STK33: variants seen among roughly 807,000 people sequenced by gnomAD.
The protein encoded by STK33 is serine/threonine-protein kinase 33.
STK33 carries 52 observed loss-of-function variants against 58.0 expected under a neutral mutation model. The ratio of observed to expected loss-of-function variants is 0.90; its 90% CI spans 0.72 to 1.13. The LOEUF (loss-of-function observed/expected upper bound fraction) is 1.13. Ranked by LOEUF, STK33 falls within the 50% of genes most tolerant of loss-of-function variation. The pLI, the probability that STK33 is intolerant of heterozygous loss-of-function variation, is 0.00. For missense variants in STK33, 630 were observed against 604.2 expected (o/e 1.04, Z -0.45); for synonymous variants, 215 against 200.1 (o/e 1.07, Z -0.63).
intron 15 of STK33, among the ~76,000 whole-genome samples, chr11:8,406,624 G>A (rs1413374938): frequency 6.6e-6 from 1 of 152,050 alleles, no homozygotes; most frequent in Non-Finnish European, 1.5e-5. Flanking sequence ...TTTATGTTTT[G>A]TGGCAATTAG....
intron 1 of STK33, among the ~76,000 whole-genome samples, chr11:8,522,154 C>T (rs1465009699): frequency 6.6e-6 from 1 of 152,190 alleles, no homozygotes; most frequent in Non-Finnish European, 1.5e-5. Context: ...ATAAATCATG[C>T]TGCTATAAAG....
At chr11:8,396,304 A>T (rs189465307) in intron 15 of STK33, among the ~76,000 whole-genome samples, 16 of 152,270 alleles carry the variant, frequency 1.1e-4, no homozygotes, top group Admixed American at 9.2e-4. Context: ...GGGTTTCACC[A>T]TGTTGGCCAG....
chr11:8,366,987 A>T, the STK33 span, among the ~76,000 whole-genome samples: 10,892 of 152,260 alleles, frequency 0.072, 409 homozygotes, highest in African/African-American at 0.083. Flanking sequence ...CATGTGTGCA[A>T]GTGTATTTGT....
intron 1 of STK33, among the ~76,000 whole-genome samples, chr11:8,482,080 A>G (rs1289247102): frequency 6.6e-6 from 1 of 152,190 alleles, no homozygotes; most frequent in Non-Finnish European, 1.5e-5. Flanking sequence ...CGTAATTTCA[A>G]GTAAGAATGC....
intron 1 of STK33, among the ~76,000 whole-genome samples, chr11:8,590,459 T>C (rs2032421450): frequency 6.6e-6 from 1 of 152,178 alleles, no homozygotes; most frequent in South Asian, 2.1e-4. Flanking sequence ...AGTGAACTTA[T>C]CTTTATCAAT....
intron 1 of STK33, among the ~76,000 whole-genome samples, chr11:8,555,317 A>G (rs1235287347): frequency 6.6e-6 from 1 of 152,150 alleles, no homozygotes; most frequent in Non-Finnish European, 1.5e-5. Flanking sequence ...TTTGAGATCT[A>G]TTGCACAGCA....
Position 8,436,148 on chromosome 11 carries a change from A to C in STK33, c.948-9T>G, listed in dbSNP as rs760300994. 5 of 1,504,416 alleles carry C rather than the reference A, an allele frequency of 3.3e-6. No homozygotes were observed. Among genetic ancestry groups the C allele is most frequent in the Middle Eastern group, 1.9e-4 (1 of 5,360 alleles). The allele number at this position is 1,504,416 out of a possible 1,614,324, so 93.2% of individuals were successfully genotyped here. ...GTGGTTCTCCACGTAATCTGCAACAAAGGCAATCACTTTGTTTAAATTTTT... is the reference window on the plus strand; with the variant it reads ...GTGGTTCTCCACGTAATCTGCAACACAGGCAATCACTTTGTTTAAATTTTT... On this transcript the variant is annotated splice_polypyrimidine_tract_variant and intron_variant, in intron 12 of 15. Coordinates refer to ENST00000687296, the MANE Select transcript of STK33 (RefSeq NM_001352389.2).
chr11:8,387,825 G>C (rs1848565751), downstream of STK33, among the ~76,000 whole-genome samples: 1 of 142,266 alleles, frequency 7.0e-6, no homozygotes, highest in Non-Finnish European at 1.5e-5. Flanking sequence ...AGTCACATGG[G>C]AATGCTGACT....
At chr11:8,518,393 A>C (rs1237223234) in intron 1 of STK33, among the ~76,000 whole-genome samples, 1 of 152,234 alleles carries the variant, frequency 6.6e-6, no homozygotes, top group Admixed American at 6.5e-5. Flanking sequence ...AAAACATGCC[A>C]AATTGTAAAG....
chr11:8,509,197 C>T (rs1039770216), intron 1 of STK33, among the ~76,000 whole-genome samples: 2 of 148,054 alleles, frequency 1.4e-5, no homozygotes, highest in African/African-American at 5.0e-5. Context: ...ATATTAAGTA[C>T]ACTTCTCATA....
chr11:8,404,970 C>T (rs1283884285), intron 15 of STK33, among the ~76,000 whole-genome samples: 1 of 152,130 alleles, frequency 6.6e-6, no homozygotes, highest in Non-Finnish European at 1.5e-5. Flanking sequence ...AAAACCCCAT[C>T]TCTATTAAAA....
chr11:8,554,418 C>CA (rs35967209), intron 1 of STK33, among the ~76,000 whole-genome samples: 8,998 of 58,278 alleles, frequency 0.15, 634 homozygotes, highest in Non-Finnish European at 0.2. Context: ...GACTCCATCT[C>CA]AAAAAAAAAA....
At chr11:8,550,391 C>T (rs1490933062) in intron 1 of STK33, among the ~76,000 whole-genome samples, 6 of 152,032 alleles carry the variant, frequency 3.9e-5, no homozygotes, top group Non-Finnish European at 8.8e-5. Context: ...GTGATCCACC[C>T]GCCTCAGCCT....
intron 1 of STK33, among the ~76,000 whole-genome samples, chr11:8,516,600 G>C (rs906361097): frequency 6.6e-6 from 1 of 152,248 alleles, no homozygotes; most frequent in Middle Eastern, 3.2e-3. Context: ...AGCCGTGATA[G>C]ATGGTACCTG....
At chr11:8,507,652 G>T (rs1452353022) in intron 1 of STK33, among the ~76,000 whole-genome samples, 1 of 152,206 alleles carries the variant, frequency 6.6e-6, no homozygotes, top group African/African-American at 2.4e-5. Flanking sequence ...AGGCACCCCT[G>T]ATGAAAAACC....
the STK33 span, among the ~76,000 whole-genome samples, chr11:8,376,488 C>A: frequency 6.6e-6 from 1 of 152,134 alleles, no homozygotes; most frequent in Non-Finnish European, 1.5e-5. Flanking sequence ...CAGGTCTGAT[C>A]TCTGCAAGTG....
chr11:8,517,770 C>G (rs1311814137), intron 1 of STK33, among the ~76,000 whole-genome samples: 1 of 151,646 alleles, frequency 6.6e-6, no homozygotes, highest in Non-Finnish European at 1.5e-5. Flanking sequence ...TGAAATGAAG[C>G]GAGAAGAGAA....
chr11:8,362,348 T>C, the STK33 span, among the ~76,000 whole-genome samples: 2 of 152,336 alleles, frequency 1.3e-5, no homozygotes, highest in South Asian at 2.1e-4. Flanking sequence ...TAGAATCTAA[T>C]GGAATTTCAT....
chr11:8,464,954 C>T (rs1306710518), intron 6 of STK33, 132 bp from the exon 7 acceptor site: 1 of 534,442 alleles, frequency 1.9e-6, no homozygotes, highest in African/African-American at 1.9e-5. Flanking sequence ...ATAGAAGACA[C>T]TATATATTTG....
Sources: gnomAD v4.1 joint callset for allele counts (sites outside exome capture counted in the v4.1 genomes callset) on GRCh38, gnomAD v4.1.1 for gene constraint, MANE v1.5 for transcripts, NCBI Gene and HGNC (gene_info 2026-07-23, HGNC 2026-07-21) for gene names.